The following ANKIB1 variants were observed in gnomAD, a reference collection of about 807,000 sequenced individuals.
ANKIB1 encodes the protein ankyrin repeat and IBR domain-containing protein 1.
ANKIB1 carries 43 observed loss-of-function variants against 122.1 expected under a neutral mutation model. The ratio of observed to expected loss-of-function variants is 0.35; its 90% CI spans 0.28 to 0.45. The LOEUF is 0.45. Ranked by LOEUF, ANKIB1 falls within the 20% of genes least tolerant of loss-of-function variation. The probability of loss-of-function intolerance (pLI) is 1.00; values close to 1 mark genes in which losing one functional copy is unlikely to be tolerated. For missense variants in ANKIB1, 992 were observed against 1,329.5 expected, an observed-to-expected ratio of 0.75 and a Z score of 3.95; for synonymous variants, 390 against 442.0, an observed-to-expected ratio of 0.88 and a Z score of 1.48.
chr7:92,291,422 C>T (rs1021554283), intron 1 of ANKIB1, among the ~76,000 whole-genome samples: 1 of 152,028 alleles, frequency 6.6e-6, no homozygotes, highest in African/African-American at 2.4e-5. Context: ...ATCTCATGTA[C>T]TCCCTAAATA....
chr7:92,398,222 C>G lies in ANKIB1; in HGVS notation c.2543C>G (p.Ser848Cys), dbSNP rs1562803081. The change falls in exon 20 of 20, where the codon TCC becomes TGC. Residue 848 changes from serine (S) to cysteine (C), a missense_variant. This residue lies in a region of ANKIB1 where 384 missense variants were observed against 412.0 expected (regional missense o/e 0.93). Coordinates refer to ENST00000265742, the MANE Select transcript of ANKIB1 (RefSeq NM_019004.2). ...ENQDSLQALSSLDEDDPNILL... is the reference protein window; with the variant it reads ...ENQDSLQALSCLDEDDPNILL... ...TTTCTGTTGCTTCAGGCTCTGAGTT[C>G]CTTGGATGAAGACGATCCCAATATA... 1.3e-6 allele frequency: 2 copies of G among 1,580,898 alleles called. No homozygotes were observed. The highest frequency in any genetic ancestry group is 8.6e-7 in the Non-Finnish European group (1 of 1,165,268).
At position 92,391,360 on chromosome 7, in the gene ANKIB1, A is replaced by T. The variant is rs775897754; in HGVS notation, c.2231+16A>T. On this transcript the variant is annotated intron_variant, in intron 16 of 19. Transcript: ENST00000265742. ...CAAGGCGCAGGTAAAAAGGACGTAC[A>T]CTGTGGAAATCATCCTAGCTCCAGC... The T allele has an allele frequency of 6.4e-7, 1 of 1,563,146 alleles. No individual in the cohort carries two copies. The highest frequency in any genetic ancestry group is 8.7e-7 in the Non-Finnish European group (1 of 1,149,842).
At chr7:92,352,199 A>G (rs1266897618) in intron 8 of ANKIB1, among the ~76,000 whole-genome samples, 1 of 152,254 alleles carries the variant, frequency 6.6e-6, no homozygotes, top group South Asian at 2.1e-4. Context: ...GCAAACAATT[A>G]CATTTTTGCT....
intron 18 of ANKIB1, among the ~76,000 whole-genome samples, chr7:92,397,027 T>C (rs1195244899): frequency 6.6e-6 from 1 of 152,214 alleles, no homozygotes; most frequent in East Asian, 1.9e-4. Flanking sequence ...AATGTCAGGA[T>C]CAATGGGACT....
intron 11 of ANKIB1, among the ~76,000 whole-genome samples, chr7:92,372,817 T>C (rs998528875): frequency 1.3e-5 from 2 of 152,142 alleles, no homozygotes; most frequent in African/African-American, 4.8e-5. Context: ...TATTCTGATT[T>C]TTTTTGCTTT....
chr7:92,356,699 A>T (rs1425872359), intron 9 of ANKIB1, among the ~76,000 whole-genome samples: 1 of 152,220 alleles, frequency 6.6e-6, no homozygotes, highest in Admixed American at 6.5e-5. Flanking sequence ...TTCCTATCTG[A>T]TGCAGTCAAC....
intron 5 of ANKIB1, among the ~76,000 whole-genome samples, chr7:92,335,503 T>C (rs1803269724): frequency 6.6e-6 from 1 of 152,014 alleles, no homozygotes; most frequent in South Asian, 2.1e-4. Context: ...GAATGTGGAT[T>C]TGTATATAGC....
chr7:92,357,744 AAAAAAG>A (rs1362662493), intron 9 of ANKIB1, among the ~76,000 whole-genome samples: 3,876 of 150,742 alleles, frequency 0.026, 155 homozygotes, highest in African/African-American at 0.091. Context: ...AAAAAAAAAA[AAAAAAG>A]AAAAAGAAAA....
At chr7:92,388,452 A>C (rs985192594) in intron 14 of ANKIB1, among the ~76,000 whole-genome samples, 3 of 152,228 alleles carry the variant, frequency 2.0e-5, no homozygotes, top group African/African-American at 7.2e-5. Flanking sequence ...CAGAGTGCCT[A>C]AGGGCGTGGA....
intron 3 of ANKIB1, among the ~76,000 whole-genome samples, chr7:92,314,283 G>A (rs1802748541): frequency 6.6e-6 from 1 of 151,706 alleles, no homozygotes; most frequent in Admixed American, 6.6e-5. Context: ...GGGTGACAGA[G>A]CGAGATGCTG....
chr7:92,299,539 A>C lies in ANKIB1; in HGVS notation c.188+4373A>C, dbSNP rs376923316. ...AGACAGATATTTAAAAACATTTCTC[A>C]CTTTCCTAACTATATAAAGGCTGGA... On this transcript the variant is annotated intron_variant, in intron 2 of 19. Transcript: ENST00000265742. Among the ~76,000 whole-genome samples, 48 of 152,268 alleles carry C rather than the reference A, an allele frequency of 3.2e-4. 1 individual carries two copies. Among genetic ancestry groups the C allele is most frequent in the African/African-American group, 9.9e-4 (41 of 41,566 alleles).
chr7:92,302,361 A>G (rs1021156732), intron 2 of ANKIB1, among the ~76,000 whole-genome samples: 1 of 152,150 alleles, frequency 6.6e-6, no homozygotes, highest in African/African-American at 2.4e-5. Flanking sequence ...TCCTTTAGCT[A>G]TATGGTATCT....
At chr7:92,378,762 C>A (rs1242495383) in intron 11 of ANKIB1, among the ~76,000 whole-genome samples, 3 of 152,082 alleles carry the variant, frequency 2.0e-5, no homozygotes, top group Non-Finnish European at 4.4e-5. Context: ...TCACTTTTTG[C>A]AGATGACGTG....
At chr7:92,317,779 G>T (rs572112066) in intron 3 of ANKIB1, among the ~76,000 whole-genome samples, 2 of 152,290 alleles carry the variant, frequency 1.3e-5, no homozygotes, top group African/African-American at 4.8e-5. Flanking sequence ...TTTATAGGAA[G>T]ATTGTGTGTT....
At chr7:92,324,295 G>A (rs1462977426) in intron 4 of ANKIB1, among the ~76,000 whole-genome samples, 3 of 152,152 alleles carry the variant, frequency 2.0e-5, no homozygotes, top group African/African-American at 7.2e-5. Flanking sequence ...GCACAGTAGT[G>A]CGATCTCAGC....
At chr7:92,266,880 A>G (rs1801682385) in intron 1 of ANKIB1, among the ~76,000 whole-genome samples, 1 of 152,226 alleles carries the variant, frequency 6.6e-6, no homozygotes, top group Non-Finnish European at 1.5e-5. Flanking sequence ...TCTTCTACTG[A>G]CAAAGTTTAA....
At chr7:92,354,418 G>A (rs573847539) in intron 9 of ANKIB1, among the ~76,000 whole-genome samples, 2 of 152,146 alleles carry the variant, frequency 1.3e-5, no homozygotes, top group South Asian at 2.1e-4. Flanking sequence ...ATGGCCACAT[G>A]GACTAAGGTC....
At chr7:92,311,734 A>G (rs1802693902) in intron 3 of ANKIB1, among the ~76,000 whole-genome samples, 1 of 151,702 alleles carries the variant, frequency 6.6e-6, no homozygotes, top group South Asian at 2.1e-4. Flanking sequence ...CCACACACAC[A>G]CACACAGAAC....
intron 4 of ANKIB1, among the ~76,000 whole-genome samples, chr7:92,322,504 A>G (rs1046134089): frequency 1.3e-5 from 2 of 152,190 alleles, no homozygotes; most frequent in East Asian, 3.9e-4. Flanking sequence ...ATGAGTATTT[A>G]TTGCTAAAAA....
Sources: gnomAD v4.1 joint callset for allele counts (sites outside exome capture counted in the v4.1 genomes callset) on GRCh38, gnomAD v4.1.1 for gene constraint, gnomAD v4.1.1 regional missense constraint, MANE v1.5 for transcripts, NCBI Gene and HGNC (gene_info 2026-07-23, HGNC 2026-07-21) for gene names.